Variants in IARS1 observed in about 807,000 individuals in gnomAD.
IARS1 encodes the protein isoleucine--tRNA ligase, cytoplasmic.
In IARS1, 124 loss-of-function variants were observed where a neutral mutation model predicts 168.2. The observed-to-expected ratio is 0.74, with a 90% CI of 0.64 to 0.86. IARS1 has a LOEUF of 0.86. Among genes scored for constraint, IARS1 ranks in the 40% least tolerant of loss-of-function variants. The probability of loss-of-function intolerance (pLI) is 0.00; values close to 1 mark genes in which losing one functional copy is unlikely to be tolerated. For missense variants in IARS1, 1,452 were observed against 1,515.8 expected, an observed-to-expected ratio of 0.96 and a Z score of 0.70; for synonymous variants, 532 against 529.4, an observed-to-expected ratio of 1.00 and a Z score of -0.07.
At chr9:92,292,393 T>A (rs79933128) in intron 1 of IARS1, 1,864 of 153,172 alleles carry the variant, frequency 0.012, 36 homozygotes, top group African/African-American at 0.042. Context: ...CCCCAAAGAT[T>A]AAGAATCACT....
Position 92,271,658 on chromosome 9 carries a change from GA to G in IARS1, c.991-4del, listed in dbSNP as rs769926984. ...TCCATACAGACCCGATAGTCCTCCTGAGAAAAGGCAAAAGAGAGGGAAGAAT... is the reference window on the plus strand; with the variant it reads ...TCCATACAGACCCGATAGTCCTCCTGGAAAAGGCAAAAGAGAGGGAAGAAT... On this transcript the variant is annotated splice_region_variant and splice_polypyrimidine_tract_variant and intron_variant, in intron 10 of 33. Transcript: ENST00000443024. 6.2e-7 allele frequency: 1 copy of G among 1,613,984 alleles called. No individual in the cohort carries two copies. Among genetic ancestry groups the G allele is most frequent in the South Asian group, 1.1e-5 (1 of 91,084 alleles).
intron 25 of IARS1, among the ~76,000 whole-genome samples, chr9:92,247,800 G>A (rs755885196): frequency 5.9e-5 from 9 of 152,260 alleles, no homozygotes; most frequent in Admixed American, 2.0e-4. Context: ...GGTGAAACAC[G>A]CCAGACATAA....
intron 6 of IARS1, among the ~76,000 whole-genome samples, chr9:92,284,351 G>C (rs1178584095): frequency 6.6e-6 from 1 of 151,972 alleles, no homozygotes; most frequent in Non-Finnish European, 1.5e-5. Context: ...TGGAAGGAAA[G>C]TGGGAAAGAA....
chr9:92,224,829 T>C (rs535859815), intron 31 of IARS1, among the ~76,000 whole-genome samples: 11 of 89,248 alleles, frequency 1.2e-4, no homozygotes, highest in Middle Eastern at 6.9e-3. Flanking sequence ...TGAGACCCTG[T>C]CTCAAAAAAT....
At chr9:92,230,179 C>T (rs1234557120) in intron 30 of IARS1, among the ~76,000 whole-genome samples, 2 of 151,412 alleles carry the variant, frequency 1.3e-5, no homozygotes, top group Non-Finnish European at 2.9e-5. Context: ...AGTGCGATTT[C>T]GGCTCACCGC....
chr9:92,279,774 CTG>C (rs1834275972), intron 7 of IARS1, among the ~76,000 whole-genome samples: 1 of 152,142 alleles, frequency 6.6e-6, no homozygotes, highest in Non-Finnish European at 1.5e-5. Flanking sequence ...TACTGAAACT[CTG>C]TACTCATTAA....
intron 25 of IARS1, among the ~76,000 whole-genome samples, chr9:92,248,356 C>T (rs995285010): frequency 2.0e-5 from 3 of 152,094 alleles, no homozygotes; most frequent in East Asian, 1.9e-4. Context: ...TAATTAATCT[C>T]ATTTTAAGTG....
chr9:92,224,258 C>T (rs1179488767), intron 31 of IARS1, among the ~76,000 whole-genome samples: 3 of 152,200 alleles, frequency 2.0e-5, no homozygotes, highest in Non-Finnish European at 4.4e-5. Flanking sequence ...TAGACAATTA[C>T]AGTCTTAACG....
chr9:92,282,815 T>C (rs1479669797), intron 6 of IARS1, among the ~76,000 whole-genome samples: 1 of 149,276 alleles, frequency 6.7e-6, no homozygotes, highest in Non-Finnish European at 1.5e-5. Context: ...TATATATGTA[T>C]ACTTACATAT....
rs546039921 is a variant in IARS1, at chr9:92,275,476, A to C, written c.895-955T>G. The stretch of plus-strand genomic sequence containing the variant: ...AACTAAACTTGAAAAATAACCATAA[A>C]ATTTTAATTGTTGTAACCTAAATCA... On this transcript the variant is annotated intron_variant, in intron 9 of 33. Transcript: ENST00000443024. Among the ~76,000 whole-genome samples the C allele has an allele frequency of 2.6e-5, 4 of 152,348 alleles. No individual in the cohort carries two copies. In the South Asian group the frequency reaches 8.3e-4, roughly 32 times the overall value.
chr9:92,254,029 A>G (rs1460079632), intron 20 of IARS1, among the ~76,000 whole-genome samples: 1 of 152,234 alleles, frequency 6.6e-6, no homozygotes, highest in Non-Finnish European at 1.5e-5. Flanking sequence ...AGACCCAGAG[A>G]TGCTGCTCAG....
intron 33 of IARS1, among the ~76,000 whole-genome samples, chr9:92,220,863 C>T (rs1404283358): frequency 6.6e-6 from 1 of 151,994 alleles, no homozygotes; most frequent in African/African-American, 2.4e-5. Flanking sequence ...GCTAGGGAGG[C>T]TGAGGTGGGA....
intron 16 of IARS1, among the ~76,000 whole-genome samples, chr9:92,264,085 A>C (rs1374742749): frequency 6.6e-6 from 1 of 152,206 alleles, no homozygotes; most frequent in Non-Finnish European, 1.5e-5. Context: ...CTGTAATCCC[A>C]GCACTTTGGG....
intron 33 of IARS1, among the ~76,000 whole-genome samples, chr9:92,212,272 A>C (rs1837886295): frequency 6.6e-6 from 1 of 152,218 alleles, no homozygotes; most frequent in East Asian, 1.9e-4. Context: ...TATGAAAGAC[A>C]ATTCTGAGAG....
At chr9:92,292,024 T>C (rs1245862682) in intron 1 of IARS1, among the ~76,000 whole-genome samples, 1 of 151,282 alleles carries the variant, frequency 6.6e-6, no homozygotes. Flanking sequence ...TCCTTTTTTT[T>C]TTTTTTTTTT....
At chr9:92,278,403 T>G (rs118160724) in intron 7 of IARS1, 117 bp from the exon 8 acceptor site, 2 of 711,096 alleles carry the variant, frequency 2.8e-6, no homozygotes, top group Admixed American at 4.2e-5. Flanking sequence ...GCCTCTACTG[T>G]ACCCAGTACT....
chr9:92,231,583 T>C (rs1318260208), intron 30 of IARS1, among the ~76,000 whole-genome samples: 1 of 147,310 alleles, frequency 6.8e-6, no homozygotes, highest in Non-Finnish European at 1.5e-5. Flanking sequence ...CCAGCTAATT[T>C]TGTATTTGTT....
chr9:92,260,536 T>G (rs1230733165), intron 17 of IARS1, among the ~76,000 whole-genome samples: 2 of 151,962 alleles, frequency 1.3e-5, no homozygotes. Context: ...ACACTTGTAA[T>G]CCCCACTACT....
chr9:92,261,383 G>A (rs1587828171), intron 17 of IARS1, among the ~76,000 whole-genome samples: 1 of 152,058 alleles, frequency 6.6e-6, no homozygotes, highest in East Asian at 1.9e-4. Flanking sequence ...TTCTGGAAAC[G>A]ACAAAATTAC....
Sources: allele counts gnomAD v4.1 joint callset (sites outside exome capture counted in the v4.1 genomes callset), GRCh38; gene constraint gnomAD v4.1.1; transcripts MANE v1.5; gene names NCBI Gene and HGNC (gene_info 2026-07-23, HGNC 2026-07-21).